ATP6V0A1: variants seen among roughly 807,000 people sequenced by gnomAD.
ATP6V0A1 encodes the protein ATPase H+ transporting V0 subunit a1.
Under a neutral mutation model 105.4 loss-of-function variants are expected in ATP6V0A1, and 43 were observed. That is an observed-to-expected ratio of 0.41 (90% confidence interval 0.32 to 0.53). The LOEUF (loss-of-function observed/expected upper bound fraction) is 0.53. ATP6V0A1 is among the 20% of genes least tolerant of loss of function. ATP6V0A1 has a pLI of 0.30. For synonymous variants in ATP6V0A1, 362 were observed against 372.8 expected (o/e 0.97, Z 0.33); for missense variants, 676 against 1,051.1 (o/e 0.64, Z 4.93).
intron 5 of ATP6V0A1, among the ~76,000 whole-genome samples, chr17:42,473,790 T>C (rs1375064074): frequency 6.6e-6 from 1 of 152,208 alleles, no homozygotes; most frequent in African/African-American, 2.4e-5. Context: ...GAAATAATTA[T>C]TTAAACTATT....
At chr17:42,474,986 G>C (rs1361935349) in intron 5 of ATP6V0A1, among the ~76,000 whole-genome samples, 1 of 152,210 alleles carries the variant, frequency 6.6e-6, no homozygotes, top group Admixed American at 6.5e-5. Flanking sequence ...ATGAAGAACT[G>C]TAAGAGCTGG....
At chr17:42,499,236 C>A (rs1042771126) in intron 15 of ATP6V0A1, among the ~76,000 whole-genome samples, 194 bp downstream of exon 15, 3 of 152,172 alleles carry the variant, frequency 2.0e-5, no homozygotes, top group Non-Finnish European at 4.4e-5. Context: ...TTTGGGAGGC[C>A]AAGGCCGGTG....
chr17:42,507,642 T>G lies in ATP6V0A1; in HGVS notation c.2112+15T>G. 1 of 1,608,602 alleles carries G rather than the reference T, an allele frequency of 6.2e-7. No individual in the cohort carries two copies. Among genetic ancestry groups the G allele is most frequent in the Non-Finnish European group, 8.5e-7 (1 of 1,175,140 alleles). On this transcript the variant is annotated intron_variant, in intron 18 of 21. Coordinates refer to ENST00000343619, the MANE Select transcript of ATP6V0A1 (RefSeq NM_001130021.3). The stretch of plus-strand genomic sequence containing the variant: ...ACGCAGACGAGGTAAGATCCCGTGG[T>G]GTGGGCTTTCTCTCCTTCCACCTCG...
At chr17:42,469,740 T>C (rs779018282) in intron 4 of ATP6V0A1, among the ~76,000 whole-genome samples, 4 of 152,054 alleles carry the variant, frequency 2.6e-5, no homozygotes, top group Non-Finnish European at 2.9e-5. Context: ...CCTCCCGGGT[T>C]CAAGTGATTC....
chr17:42,477,010 A>C (rs1447360680), intron 5 of ATP6V0A1, among the ~76,000 whole-genome samples: 2 of 152,188 alleles, frequency 1.3e-5, no homozygotes, highest in Non-Finnish European at 2.9e-5. Context: ...TCATTCTATA[A>C]GTGGCCATGC....
chr17:42,462,998 CTTTTTTTTT>C (rs35135162), intron 2 of ATP6V0A1, among the ~76,000 whole-genome samples: 5 of 66,174 alleles, frequency 7.6e-5, no homozygotes, highest in African/African-American at 2.5e-4. Context: ...GGATATGGAA[CTTTTTTTTT>C]TTTTTTTTTT....
At position 42,480,673 on chromosome 17, in the gene ATP6V0A1, T is replaced by C. The variant is rs145824527; in HGVS notation, c.640T>C (p.Tyr214His). 2.5e-6 allele frequency: 4 copies of C among 1,611,348 alleles called. No individual in the cohort carries two copies. The highest frequency in any genetic ancestry group is 3.4e-6 in the Non-Finnish European group (4 of 1,179,128). The change falls in exon 8 of 22, where the codon TAC (tyrosine) becomes CAC (histidine). Residue 214 changes from tyrosine (Y) to histidine (H), a missense_variant. Coordinates refer to ENST00000343619, the MANE Select transcript of ATP6V0A1 (RefSeq NM_001130021.3). Reference sequence around the variant, plus strand: ...TTTTTATTCTGGGGCCTAGGGCGACTACGTGCACAAGTCTGTGTTTATCAT... The same window carrying C: ...TTTTTATTCTGGGGCCTAGGGCGACCACGTGCACAAGTCTGTGTTTATCAT... ...NPLEDPVTGD[Y>H]VHKSVFIIFF...
In ATP6V0A1 at chr17:42,514,410, C is replaced by G; in HGVS notation, c.2370C>G (p.Leu790=). Residue 790 remains leucine, a synonymous_variant, in exon 21 of 22, where the codon CTC becomes CTG. Coordinates refer to ENST00000343619, the MANE Select transcript of ATP6V0A1 (RefSeq NM_001130021.3). ...TTGCCACCCTGACCGTGGCCATCCT[C>G]CTGATCATGGAGGGCCTCTCGGCCT... ...TAFATLTVAI[L]LIMEGLSAFL... is the part of the protein sequence containing the mutation. 2 of 1,613,422 alleles carry G rather than the reference C, an allele frequency of 1.2e-6. No homozygotes were observed. Among genetic ancestry groups the G allele is most frequent in the African/African-American group, 1.3e-5 (1 of 75,026 alleles).
chr17:42,475,523 G>A (rs2088615005), intron 5 of ATP6V0A1, among the ~76,000 whole-genome samples: 1 of 151,988 alleles, frequency 6.6e-6, no homozygotes, highest in Non-Finnish European at 1.5e-5. Context: ...GATTTTTTTG[G>A]AATTTTTTTT....
At chr17:42,467,471 C>T (rs564939207) in intron 3 of ATP6V0A1, among the ~76,000 whole-genome samples, 7 of 152,316 alleles carry the variant, frequency 4.6e-5, no homozygotes, top group African/African-American at 1.7e-4. Context: ...TTACCTGAAA[C>T]ACTCTTCTCT....
chr17:42,515,556 C>T (rs1160655777), intron 21 of ATP6V0A1, among the ~76,000 whole-genome samples: 6 of 151,134 alleles, frequency 4.0e-5, no homozygotes, highest in Admixed American at 1.3e-4. Context: ...GAGGCCGAGG[C>T]GGGTGGATCA....
chr17:42,520,984 A>C (rs751865386), intron 21 of ATP6V0A1, 43 bp from the exon 22 acceptor site: 1 of 1,522,738 alleles, frequency 6.6e-7, no homozygotes. Context: ...AAAGCTTCAC[A>C]AAGTTTCTAT....
At chr17:42,470,300 T>C (rs2087717574) in intron 5 of ATP6V0A1, 82 bp downstream of exon 5, 1 of 1,517,888 alleles carries the variant, frequency 6.6e-7, no homozygotes, top group Non-Finnish European at 9.0e-7. Flanking sequence ...CCAGTAATTA[T>C]TTTAATTTGC....
In ATP6V0A1 at chr17:42,468,089, G is replaced by A; in HGVS notation, c.276G>A (p.Arg92=). ...AAAACCCAGAGGTTCCCTTCCCCCG[G>A]GACATGATTGACTTAGAGGTAAACA... ...TGENPEVPFP[R]DMIDLEANFE... The change falls in exon 4 of 22, where the codon CGG becomes CGA. Residue 92 remains arginine (R), a synonymous_variant. Transcript: ENST00000343619. 6.3e-7 allele frequency: 1 copy of A among 1,595,078 alleles called. No homozygotes were observed. Among genetic ancestry groups the A allele is most frequent in the African/African-American group, 1.3e-5 (1 of 74,216 alleles).
Position 42,507,512 on chromosome 17 carries a change from C to G in ATP6V0A1, c.2005-8C>G. On this transcript the variant is annotated splice_polypyrimidine_tract_variant and splice_region_variant and intron_variant, in intron 17 of 21. Coordinates refer to ENST00000343619, the MANE Select transcript of ATP6V0A1 (RefSeq NM_001130021.3). The stretch of plus-strand genomic sequence containing the variant: ...GGCAAATTCTACTCTTTCTGTTCAT[C>G]TGTGTAGGGAACTCTCAACTTTGGT... The G allele has an allele frequency of 6.3e-7, 1 of 1,595,576 alleles. No individual in the cohort carries two copies. The highest frequency in any genetic ancestry group is 8.6e-7 in the Non-Finnish European group (1 of 1,165,218).
At chr17:42,478,023 A>G (rs994127004) in intron 6 of ATP6V0A1, among the ~76,000 whole-genome samples, 13 of 152,264 alleles carry the variant, frequency 8.5e-5, no homozygotes, top group South Asian at 6.2e-4. Context: ...ATGGAATACT[A>G]TGTAGCCATA....
At chr17:42,498,878 T>A in intron 14 of ATP6V0A1, 46 bp from the exon 15 acceptor site, 1 of 1,300,150 alleles carries the variant, frequency 7.7e-7, no homozygotes, top group Non-Finnish European at 1.1e-6. Flanking sequence ...ATTTTTCCCT[T>A]TGAGAATTCT....
At chr17:42,499,686 G>T (rs1292511639) in intron 15 of ATP6V0A1, among the ~76,000 whole-genome samples, 3 of 151,478 alleles carry the variant, frequency 2.0e-5, no homozygotes, top group African/African-American at 7.3e-5. Context: ...TACTCTGGTG[G>T]CTGAGGCAGG....
intron 10 of ATP6V0A1, among the ~76,000 whole-genome samples, chr17:42,489,574 G>C (rs1382300153): frequency 6.6e-6 from 1 of 152,118 alleles, no homozygotes; most frequent in African/African-American, 2.4e-5. Context: ...AAAATCAATA[G>C]GGCTACCTGG....
Sources: gnomAD v4.1 joint callset for allele counts (sites outside exome capture counted in the v4.1 genomes callset) on GRCh38, gnomAD v4.1.1 for gene constraint, MANE v1.5 for transcripts, NCBI Gene and HGNC (gene_info 2026-07-23, HGNC 2026-07-21) for gene names.